Variants in ZNF318 observed in about 807,000 individuals in gnomAD.
The protein encoded by ZNF318 is zinc finger protein 318.
Under a neutral mutation model 124.2 loss-of-function variants are expected in ZNF318, and 51 were observed. The observed-to-expected ratio is 0.41, with a 90% confidence interval of 0.33 to 0.52. The LOEUF (loss-of-function observed/expected upper bound fraction) is 0.52, where lower values mean the gene tolerates loss of function less well. ZNF318 is among the 20% of genes least tolerant of loss of function. The pLI, the probability that ZNF318 is intolerant of heterozygous loss-of-function variation, is 0.23. For synonymous variants in ZNF318, 1,090 were observed against 1,040.7 expected, an observed-to-expected ratio of 1.05 and a Z score of -0.91; for missense variants, 2,815 against 2,811.2, an observed-to-expected ratio of 1.00 and a Z score of -0.03.
chr6:43,337,347 G>A lies in ZNF318; in HGVS notation c.6651C>T (p.Thr2217=), dbSNP rs1341252838. ...PLQLEISNAS[T]TEVAILQVDD... ...CTACTTGCAGAATTGCCACCTCTGT[G>A]GTGGATGCATTCGATATTTCTAGCT... Residue 2217 remains threonine, a synonymous_variant, in exon 10 of 10, where the codon ACC becomes ACT. Transcript: ENST00000361428. The A allele has an allele frequency of 3.7e-6, 6 of 1,613,982 alleles. No homozygotes were observed. Among genetic ancestry groups the A allele is most frequent in the South Asian group, 1.1e-5 (1 of 91,088 alleles).
Position 43,337,818 on chromosome 6 carries a change from A to G in ZNF318, c.6180T>C (p.Ala2060=). 9 of 1,614,240 alleles carry G rather than the reference A, an allele frequency of 5.6e-6. No homozygotes were observed. The highest frequency in any genetic ancestry group is 6.8e-6 in the Non-Finnish European group (8 of 1,180,032). The change falls in exon 10 of 10, where the codon GCT becomes GCC. Residue 2060 remains alanine, a synonymous_variant. Coordinates refer to ENST00000361428, the MANE Select transcript of ZNF318 (RefSeq NM_014345.3). ...AAAAAGATGGGATTGGTTCGAAGTC[A>G]GCGGGATCGGAGGAATTACACCCTA... The part of the protein sequence containing the change: ...SPIGCNSSDP[A]DFEPIPSFSG...
chr6:43,338,153 G>C lies in ZNF318; in HGVS notation c.5845C>G (p.Gln1949Glu), dbSNP rs1352120992. ...GCCAACTCATAGATCTTTTTAACTT[G>C]AAAGTCTTTTGATCTTTCTCTCTTG... ...KLKRERSKDF[Q>E]VKKIYELAVW... The change falls in exon 10 of 10, where the codon CAA (glutamine) becomes GAA (glutamate). Residue 1949 changes from glutamine (Q) to glutamate (E), a missense_variant. Physicochemically the swap from Gln to Glu is conservative, Grantham distance 29 (BLOSUM62 2). This residue lies in a region of ZNF318 where 927 missense variants were observed against 820.6 expected (regional missense o/e 1.13). Transcript: ENST00000361428. 1.2e-6 allele frequency: 2 copies of C among 1,613,834 alleles called. No individual in the cohort carries two copies. Among genetic ancestry groups the C allele is most frequent in the Non-Finnish European group, 1.7e-6 (2 of 1,179,958 alleles).
At position 43,357,493 on chromosome 6, in the gene ZNF318, G is replaced by C; in HGVS notation, c.821C>G (p.Pro274Arg). The stretch of plus-strand genomic sequence containing the variant: ...TATCTTCACTGTGTCATCATAACGG[G>C]GTCTTTTGGCCTCCCGGCTCCTTTC... ...SEERSREAKR[P>R]RYDDTVKINS... The change falls in exon 3 of 10, where the codon CCC becomes CGC. Residue 274 changes from proline (P) to arginine (R), a missense_variant. Coordinates refer to ENST00000361428, the MANE Select transcript of ZNF318 (RefSeq NM_014345.3). 6.2e-7 allele frequency: 1 copy of C among 1,614,090 alleles called. No individual in the cohort carries two copies. Among genetic ancestry groups the C allele is most frequent in the African/African-American group, 1.3e-5 (1 of 74,998 alleles).
chr6:43,350,672 A>C (rs1779512260), intron 5 of ZNF318, among the ~76,000 whole-genome samples: 1 of 152,008 alleles, frequency 6.6e-6, no homozygotes, highest in South Asian at 2.1e-4. Context: ...CAAAAAAAAA[A>C]ATTAGCCAGG....
chr6:43,368,356 G>A (rs1779788798), intron 1 of ZNF318, among the ~76,000 whole-genome samples: 1 of 152,194 alleles, frequency 6.6e-6, no homozygotes, highest in Non-Finnish European at 1.5e-5. Context: ...ACTTGTGAGG[G>A]TTAAAATAAT....
In ZNF318 at chr6:43,342,094, G is replaced by A; in HGVS notation, c.3376+18C>T. On this transcript the variant is annotated intron_variant, in intron 8 of 9. Coordinates refer to ENST00000361428, the MANE Select transcript of ZNF318 (RefSeq NM_014345.3). ...CTGAATGTAAGGAAACCACAAAGGT[G>A]GCAAAAAGGAAACATACCTTTTGCA... is the stretch of plus-strand genomic sequence containing the variant. 1 of 1,609,622 alleles carries A rather than the reference G, an allele frequency of 6.2e-7. No homozygotes were observed. The highest frequency in any genetic ancestry group is 8.5e-7 in the Non-Finnish European group (1 of 1,175,932).
intron 2 of ZNF318, among the ~76,000 whole-genome samples, chr6:43,361,940 G>A (rs1347574918): frequency 6.6e-6 from 1 of 152,130 alleles, no homozygotes; most frequent in African/African-American, 2.4e-5. Context: ...AGGGTCACTT[G>A]AGCTCAGGAG....
intron 6 of ZNF318, among the ~76,000 whole-genome samples, chr6:43,343,815 G>C (rs1175873503): frequency 8.3e-6 from 1 of 120,642 alleles, no homozygotes; most frequent in Non-Finnish European, 1.7e-5. Context: ...AGCAACAAGT[G>C]AGACCCTGTC....
chr6:43,369,257 G>C lies in ZNF318; in HGVS notation c.109C>G (p.Arg37Gly), dbSNP rs1230381160. The change falls in exon 1 of 10, where the codon CGC (arginine) becomes GGC (glycine). Residue 37 changes from arginine to glycine, a missense_variant. Coordinates refer to ENST00000361428, the MANE Select transcript of ZNF318 (RefSeq NM_014345.3). ...RSSGSSSGPARRSSPPPPPSG... is the reference protein window; with the variant it reads ...RSSGSSSGPAGRSSPPPPPSG... Reference sequence around the variant, plus strand: ...GGCGGAGGCGGCGGTGAGCTGCGGCGAGCCGGGCCTGAGGAGGAGCCAGAG... The same window carrying C: ...GGCGGAGGCGGCGGTGAGCTGCGGCCAGCCGGGCCTGAGGAGGAGCCAGAG... The C allele has an allele frequency of 4.4e-5, 56 of 1,265,464 alleles. No individual in the cohort carries two copies. The highest frequency in any genetic ancestry group is 2.0e-4 in the Admixed American group (5 of 24,516). The allele number at this position is 1,265,464 out of a possible 1,614,324, so 78.4% of individuals were successfully genotyped here. A position where few individuals can be genotyped will look rare whatever the true frequency, so the allele number is the denominator to read the frequency against.
rs888896812 is a variant in ZNF318 at position 43,357,248 on chromosome 6, C to G, written c.1066G>C (p.Gly356Arg). The change falls in exon 3 of 10, where the codon GGT (glycine) becomes CGT (arginine). Residue 356 changes from glycine (G) to arginine (R), a missense_variant. Coordinates refer to ENST00000361428, the MANE Select transcript of ZNF318 (RefSeq NM_014345.3). ...GTGCSIPGLS[G>R]VLTASEPGYS... ...CCTGGCTCCGATGCTGTTAGGACAC[C>G]TGACAATCCAGGGATGGAACAGCCA... 2.5e-6 allele frequency: 4 copies of G among 1,614,160 alleles called. No individual in the cohort carries two copies. The highest frequency in any genetic ancestry group is 2.7e-5 in the African/African-American group (2 of 75,026).
rs774691263 is a variant in ZNF318 at position 43,338,492 on chromosome 6, C to T, written c.5506G>A (p.Glu1836Lys). 77 of 1,614,198 alleles carry T rather than the reference C, an allele frequency of 4.8e-5. No individual in the cohort carries two copies. The highest frequency in any genetic ancestry group is 6.0e-5 in the Non-Finnish European group (71 of 1,180,040). ...CCTGTCATCAATTTATTGGACTGTT[C>T]AGCCTCTTTGTCAATCATTAGCAAG... The part of the protein sequence containing the change: ...PNLLMIDKEA[E>K]QSNKLMTGSE... Residue 1836 changes from glutamate to lysine, a missense_variant, in exon 10 of 10, where the codon GAA becomes AAA. Physicochemically the swap from Glu to Lys is moderately conservative, Grantham distance 56. Coordinates refer to ENST00000361428, the MANE Select transcript of ZNF318 (RefSeq NM_014345.3).
At chr6:43,348,758 G>T in intron 5 of ZNF318, 133 bp from the exon 6 acceptor site, 1 of 1,071,604 alleles carries the variant, frequency 9.3e-7, no homozygotes, top group Non-Finnish European at 1.3e-6. Context: ...GAGTGGCTAG[G>T]CGTGGTGGCT....
rs540485213 is a variant in ZNF318, at chr6:43,336,973, T to C, written c.*185A>G. On this transcript the variant is annotated 3_prime_UTR_variant, in exon 10 of 10. Coordinates refer to ENST00000361428, the MANE Select transcript of ZNF318 (RefSeq NM_014345.3). ...TAAGTTGTTATCGATTTGTCTGGTG[T>C]TTTAAGGGGAAAGGGAAAAGGAAAG... is the stretch of plus-strand genomic sequence containing the variant. The C allele has an allele frequency of 3.2e-4, 135 of 426,368 alleles. No individual in the cohort carries two copies. Among genetic ancestry groups the C allele is most frequent in the African/African-American group, 2.5e-3 (123 of 49,166 alleles). The allele number at this position is 426,368 out of a possible 1,614,324, so 26.4% of individuals were successfully genotyped here. A position where few individuals can be genotyped will look rare whatever the true frequency, so the allele number is the denominator to read the frequency against.
Position 43,337,503 on chromosome 6 carries a change from T to C in ZNF318, c.6495A>G (p.Pro2165=), listed in dbSNP as rs763690767. ...LKTINSAGLG[P]SPCLPDLVDF... ...CAACAAGGTCTGGAAGGCAAGGAGA[T>C]GGCCCAAGGCCTGCAGAATTAATTG... Residue 2165 remains proline, a synonymous_variant, in exon 10 of 10, where the codon CCA becomes CCG. Transcript: ENST00000361428. 1.2e-6 allele frequency: 2 copies of C among 1,614,214 alleles called. No individual in the cohort carries two copies. Among genetic ancestry groups the C allele is most frequent in the East Asian group, 2.2e-5 (1 of 44,888 alleles).
intron 2 of ZNF318, among the ~76,000 whole-genome samples, chr6:43,365,035 C>G (rs1285583825): frequency 6.6e-6 from 1 of 152,210 alleles, no homozygotes; most frequent in Non-Finnish European, 1.5e-5. Flanking sequence ...GTCCCCTCAG[C>G]CTCTTCTTTC....
At position 43,369,204 on chromosome 6, in the gene ZNF318, A is replaced by G. The variant is rs1779802530; in HGVS notation, c.162T>C (p.Ala54=). The change falls in exon 1 of 10, where the codon GCT becomes GCC. Residue 54 remains alanine (A), a synonymous_variant. Coordinates refer to ENST00000361428, the MANE Select transcript of ZNF318 (RefSeq NM_014345.3). ...PPSGSSSRTP[A]RRPRSPSGHR... ...GCCCTGAGGGCGAGCGGGGTCGGCGAGCCGGGGTCCGCGACGAGGAGCCGG... is the reference window on the plus strand; with the variant it reads ...GCCCTGAGGGCGAGCGGGGTCGGCGGGCCGGGGTCCGCGACGAGGAGCCGG... 1 of 1,210,544 alleles carries G rather than the reference A, an allele frequency of 8.3e-7. No homozygotes were observed. The highest frequency in any genetic ancestry group is 1.0e-6 in the Non-Finnish European group (1 of 976,150). 75.0% of individuals were successfully genotyped at this position (1,210,544 alleles called of 1,614,324 possible). A position where few individuals can be genotyped will look rare whatever the true frequency, so the allele number is the denominator to read the frequency against.
In ZNF318 at chr6:43,355,310, CTG is replaced by C; in HGVS notation, c.2022_2023del (p.His674GlnfsTer10). ...ATGATGTGCCTCCCTGCTCTCTAGTCTGTGGGGATCTGAGGAACGTCGATCAG... is the reference window on the plus strand; with the variant it reads ...ATGATGTGCCTCCCTGCTCTCTAGTCTGGGGATCTGAGGAACGTCGATCAG... On this transcript the variant is annotated frameshift_variant, in exon 4 of 10. Transcript: ENST00000361428. LOFTEE classifies it high-confidence loss of function. 1 of 1,614,166 alleles carries C rather than the reference CTG, an allele frequency of 6.2e-7. No homozygotes were observed. The highest frequency in any genetic ancestry group is 8.5e-7 in the Non-Finnish European group (1 of 1,180,032).
chr6:43,340,937 A>G (rs758219578), intron 8 of ZNF318, 29 bp from the exon 9 acceptor site: 5 of 1,520,270 alleles, frequency 3.3e-6, no homozygotes, highest in South Asian at 1.1e-5. Context: ...AGTCAAGGAA[A>G]TAAGTCGATT....
Position 43,338,022 on chromosome 6 carries a change from T to C in ZNF318, c.5976A>G (p.Thr1992=), listed in dbSNP as rs1256009459. The C allele has an allele frequency of 1.9e-6, 3 of 1,614,096 alleles. No homozygotes were observed. Among genetic ancestry groups the C allele is most frequent in the Non-Finnish European group, 2.5e-6 (3 of 1,180,048 alleles). The change falls in exon 10 of 10, where the codon ACA becomes ACG. Residue 1992 remains threonine, a synonymous_variant. Coordinates refer to ENST00000361428, the MANE Select transcript of ZNF318 (RefSeq NM_014345.3). ...LQDVHPELTV[T]IESKALEDFE... The stretch of plus-strand genomic sequence containing the variant: ...AGTCTTCTAGGGCCTTGCTTTCTAT[T>C]GTCACTGTTAACTCTGGATGGACAT...
Sources: gnomAD v4.1 joint callset for allele counts (sites outside exome capture counted in the v4.1 genomes callset) on GRCh38, gnomAD v4.1.1 for gene constraint, gnomAD v4.1.1 regional missense constraint, MANE v1.5 for transcripts, NCBI Gene and HGNC (gene_info 2026-07-23, HGNC 2026-07-21) for gene names.